The following FAM50B variants were observed in gnomAD, a reference collection of about 807,000 sequenced individuals.
FAM50B encodes family with sequence similarity 50 member B.
FAM50B carries 9 observed loss-of-function variants against 25.4 expected under a neutral mutation model. The ratio of observed to expected loss-of-function variants is 0.35; its 90% CI spans 0.21 to 0.62. The LOEUF is 0.62. Ranked by LOEUF, FAM50B falls within the 20% of genes least tolerant of loss-of-function variation. The pLI is 0.73. For synonymous variants in FAM50B, 212 were observed against 204.3 expected (o/e 1.04, Z -0.32); for missense variants, 372 against 477.9 (o/e 0.78, Z 2.07).
At position 3,851,151 on chromosome 6, in the gene FAM50B, C is replaced by T. The variant is rs570338654; in HGVS notation, c.*362C>T. 2.2e-5 allele frequency: 6 copies of T among 267,816 alleles called. No homozygotes were observed. In the South Asian group the frequency reaches 3.0e-4, roughly 13 times the overall value. 16.6% of individuals were successfully genotyped at this position (267,816 alleles called of 1,614,324 possible). A position where few individuals can be genotyped will look rare whatever the true frequency, so the allele number is the denominator to read the frequency against. Reference sequence around the variant, plus strand: ...TGAGTTTGATTCCCGACACAGCCTCCTCCTTGCTGTGTAGTTTTGGGTAAG... The same window carrying T: ...TGAGTTTGATTCCCGACACAGCCTCTTCCTTGCTGTGTAGTTTTGGGTAAG... On this transcript the variant is annotated 3_prime_UTR_variant, in exon 2 of 2. Transcript: ENST00000648326.
chr6:3,834,121 T>G, the FAM50B span, among the ~76,000 whole-genome samples: 1 of 152,124 alleles, frequency 6.6e-6, no homozygotes, highest in African/African-American at 2.4e-5. Flanking sequence ...ACTGACAGTA[T>G]GTTCAGAACT....
In FAM50B at chr6:3,850,594, G is replaced by A; in HGVS notation, c.783G>A (p.Lys261=). The change falls in exon 2 of 2, where the codon AAG becomes AAA. Residue 261 remains lysine (K), a synonymous_variant. Transcript: ENST00000648326. The part of the protein sequence containing the change: ...YDFIIARARG[K]SGPLFSFDVH... Reference sequence around the variant, plus strand: ...TCATCATCGCCAGGGCGAGGGGCAAGAGCGGGCCGCTCTTCAGCTTCGATG... The same window carrying A: ...TCATCATCGCCAGGGCGAGGGGCAAAAGCGGGCCGCTCTTCAGCTTCGATG... The A allele has an allele frequency of 6.2e-7, 1 of 1,614,120 alleles. No individual in the cohort carries two copies. Among genetic ancestry groups the A allele is most frequent in the Non-Finnish European group, 8.5e-7 (1 of 1,180,040 alleles).
chr6:3,849,609 T>C (rs966166091), intron 1 of FAM50B, 123 bp downstream of exon 1: 7 of 927,628 alleles, frequency 7.5e-6, no homozygotes, highest in Admixed American at 6.1e-5. Context: ...TGAGGTCAAA[T>C]AAAATGCTGG....
At chr6:3,844,358 T>C in the FAM50B span, among the ~76,000 whole-genome samples, 3 of 152,198 alleles carry the variant, frequency 2.0e-5, no homozygotes, top group African/African-American at 7.2e-5. Context: ...TATTTATTTA[T>C]TTTTTAACAA....
At chr6:3,848,898 G>A (rs1357882998), upstream of FAM50B, among the ~76,000 whole-genome samples, 2 of 152,080 alleles carry the variant, frequency 1.3e-5, no homozygotes, top group East Asian at 3.9e-4. Flanking sequence ...GTTGTGTTGG[G>A]GCCATAAGAA....
In FAM50B at chr6:3,850,797, C is replaced by T; in HGVS notation, c.*8C>T. ...AAGTACACCATCCGCTAACACCCGC[C>T]TGCCAGAGCGGAAACCGGGGGTGGG... On this transcript the variant is annotated 3_prime_UTR_variant, in exon 2 of 2. Coordinates refer to ENST00000648326, the MANE Select transcript of FAM50B (RefSeq NM_012135.3). 6.2e-7 allele frequency: 1 copy of T among 1,611,022 alleles called. No homozygotes were observed. Among genetic ancestry groups the T allele is most frequent in the Non-Finnish European group, 8.5e-7 (1 of 1,178,020 alleles).
At chr6:3,847,302 T>C (rs1015786143), upstream of FAM50B, among the ~76,000 whole-genome samples, 5 of 152,356 alleles carry the variant, frequency 3.3e-5, no homozygotes, top group African/African-American at 1.2e-4. Flanking sequence ...TGAAAATGTA[T>C]TGTTTAGGGT....
chr6:3,847,543 A>G (rs1373006280), upstream of FAM50B, among the ~76,000 whole-genome samples: 2 of 152,270 alleles, frequency 1.3e-5, no homozygotes, highest in African/African-American at 4.8e-5. Context: ...CTTTGGTTTA[A>G]GGGAATGTCG....
At chr6:3,839,703 A>T in the FAM50B span, among the ~76,000 whole-genome samples, 1 of 152,060 alleles carries the variant, frequency 6.6e-6, no homozygotes, top group Non-Finnish European at 1.5e-5. Flanking sequence ...CCTCACATAT[A>T]CTCCCATAGG....
upstream of FAM50B, among the ~76,000 whole-genome samples, chr6:3,846,511 CA>C (rs1297806155): frequency 2.0e-5 from 3 of 152,286 alleles, no homozygotes; most frequent in East Asian, 5.8e-4. Context: ...GCTGACTGAT[CA>C]GGGTGGTGGT....
the FAM50B span, among the ~76,000 whole-genome samples, chr6:3,832,607 A>G: frequency 6.6e-6 from 1 of 152,220 alleles, no homozygotes; most frequent in South Asian, 2.1e-4. Context: ...CATCCTGTGA[A>G]GGAACCATCT....
chr6:3,835,871 A>T, the FAM50B span, among the ~76,000 whole-genome samples: 1 of 152,212 alleles, frequency 6.6e-6, no homozygotes, highest in Non-Finnish European at 1.5e-5. Flanking sequence ...TCCACTCTGC[A>T]TGCCATGTCT....
chr6:3,835,074 T>C, the FAM50B span, among the ~76,000 whole-genome samples: 1 of 152,154 alleles, frequency 6.6e-6, no homozygotes, highest in Non-Finnish European at 1.5e-5. Flanking sequence ...GCCCCCTTGA[T>C]GGTAGAATGC....
upstream of FAM50B, among the ~76,000 whole-genome samples, chr6:3,846,928 G>A (rs1213338925): frequency 6.6e-6 from 1 of 152,200 alleles, no homozygotes; most frequent in Non-Finnish European, 1.5e-5. Flanking sequence ...AAGCTCTTAG[G>A]TGACCAAGTG....
Position 3,850,676 on chromosome 6 carries a change from G to A in FAM50B, c.865G>A (p.Ala289Thr). 6.2e-7 allele frequency: 1 copy of A among 1,614,106 alleles called. No individual in the cohort carries two copies. The highest frequency in any genetic ancestry group is 1.1e-5 in the South Asian group (1 of 91,074). The stretch of plus-strand genomic sequence containing the variant: ...CACCATGGAGAAGGACGAGTCGCAC[G>A]CGGGCAAGGTGGTGCTGCGCAGCTG... ...DATMEKDESH[A>T]GKVVLRSWYE... Residue 289 changes from alanine (A) to threonine (T), a missense_variant, in exon 2 of 2, where the codon GCG becomes ACG. Physicochemically the swap from Ala to Thr is moderately conservative, Grantham distance 58. Coordinates refer to ENST00000648326, the MANE Select transcript of FAM50B (RefSeq NM_012135.3).
In FAM50B at chr6:3,849,645, G is replaced by A. The variant is rs1397180020; in HGVS notation, c.-23-144G>A. On this transcript the variant is annotated intron_variant, in intron 1 of 1. Transcript: ENST00000648326. ...AAATTGGTGCCTGGTGACACTGTCA[G>A]GTTGGTGGTTACCCTAGCAGGTCGG... The A allele has an allele frequency of 5.7e-6, 7 of 1,227,092 alleles. No homozygotes were observed. In the East Asian group the frequency reaches 1.3e-4, roughly 23 times the overall value. 76.0% of individuals were successfully genotyped at this position (1,227,092 alleles called of 1,614,324 possible).
chr6:3,840,831 T>C, the FAM50B span, among the ~76,000 whole-genome samples: 2 of 152,214 alleles, frequency 1.3e-5, no homozygotes, highest in South Asian at 4.1e-4. Context: ...TGTCAATACT[T>C]ACATAACTAT....
rs2113036151 is a variant in FAM50B at position 3,850,740 on chromosome 6, G to A, written c.929G>A (p.Trp310Ter). 6.2e-7 allele frequency: 1 copy of A among 1,614,050 alleles called. No individual in the cohort carries two copies. Among genetic ancestry groups the A allele is most frequent in the Non-Finnish European group, 8.5e-7 (1 of 1,180,030 alleles). Residue 310 changes from tryptophan to a stop codon, truncating the protein, a stop_gained, in exon 2 of 2, where the codon TGG becomes TAG. Coordinates refer to ENST00000648326, the MANE Select transcript of FAM50B (RefSeq NM_012135.3). LOFTEE classifies it high-confidence loss of function. Reference protein sequence around the residue: ...KNKHIFPASRWEAYDPEKKWD... With the variant: ...KNKHIFPASR ...AAGCACATCTTCCCCGCCAGCCGCT[G>A]GGAGGCCTATGACCCCGAGAAGAAG...
chr6:3,846,286 A>G (rs563472024), upstream of FAM50B, among the ~76,000 whole-genome samples: 5 of 152,354 alleles, frequency 3.3e-5, no homozygotes, highest in East Asian at 9.6e-4. Flanking sequence ...CCACAAAGAC[A>G]GTCACACAAA....
Sources: allele counts gnomAD v4.1 joint callset (sites outside exome capture counted in the v4.1 genomes callset), GRCh38; gene constraint gnomAD v4.1.1; transcripts MANE v1.5; gene names NCBI Gene and HGNC (gene_info 2026-07-23, HGNC 2026-07-21).